The following PCDHGA4 variants were observed in gnomAD, a reference collection of about 807,000 sequenced individuals.
PCDHGA4 encodes protocadherin gamma subfamily A, 4.
In PCDHGA4, 38 loss-of-function variants were observed where a neutral mutation model predicts 54.6. That is an observed-to-expected ratio of 0.70 (90% CI 0.54 to 0.91). The LOEUF (loss-of-function observed/expected upper bound fraction) is 0.91. Ranked by LOEUF, PCDHGA4 falls within the 40% of genes least tolerant of loss-of-function variation. The pLI is 0.00. For missense variants in PCDHGA4, 1,298 were observed against 1,220.9 expected (o/e 1.06, Z -0.94); for synonymous variants, 511 against 512.9 (o/e 1.00, Z 0.05).
intron 1 of PCDHGA4, chr5:141,371,313 C>T (rs760463851): frequency 6.2e-7 from 1 of 1,613,964 alleles, no homozygotes. Context: ...TATTGGAGAA[C>T]TGGACTTTGA....
chr5:141,399,443 G>A, intron 1 of PCDHGA4: 1 of 1,614,018 alleles, frequency 6.2e-7, no homozygotes, highest in Non-Finnish European at 8.5e-7. Flanking sequence ...CTACATATCA[G>A]AGACGTCAAC....
intron 1 of PCDHGA4, among the ~76,000 whole-genome samples, chr5:141,492,641 G>A (rs2099742804): frequency 6.6e-6 from 1 of 152,226 alleles, no homozygotes; most frequent in African/African-American, 2.4e-5. Flanking sequence ...ACGATCCTTG[G>A]GCCAGAGGTC....
chr5:141,420,337 A>G, intron 1 of PCDHGA4: 8 of 1,402,708 alleles, frequency 5.7e-6, no homozygotes, highest in Non-Finnish European at 7.6e-6. Flanking sequence ...ATTCCAATAT[A>G]GTGGTATTAT....
intron 1 of PCDHGA4, chr5:141,375,062 C>T (rs377179051): frequency 5.6e-6 from 9 of 1,613,878 alleles, no homozygotes; most frequent in Non-Finnish European, 7.6e-6. Context: ...TGGGCCAGGT[C>T]TTCGAGACAG....
At chr5:141,496,892 A>AG (rs1372616572) in intron 2 of PCDHGA4, among the ~76,000 whole-genome samples, 1 of 151,766 alleles carries the variant, frequency 6.6e-6, no homozygotes, top group Non-Finnish European at 1.5e-5. Flanking sequence ...AACACTTAAA[A>AG]AAAAAAAAAA....
chr5:141,390,215 A>G, intron 1 of PCDHGA4: 1 of 1,614,038 alleles, frequency 6.2e-7, no homozygotes. Flanking sequence ...GACAAGACAT[A>G]CTTTGCGGTG....
chr5:141,384,249 C>T (rs886257445), intron 1 of PCDHGA4: 20 of 1,613,790 alleles, frequency 1.2e-5, no homozygotes, highest in Admixed American at 1.7e-5. Flanking sequence ...ATAACCCACC[C>T]ACCTTCCCCC....
Position 141,431,428 on chromosome 5 carries a change from A to G in PCDHGA4, c.2515-63379A>G. The stretch of plus-strand genomic sequence containing the variant: ...CCGACGGGGGCGACCCGGTGCGCAC[A>G]GGCACCGCGCGCATCCGCGTGATGG... On this transcript the variant is annotated intron_variant, in intron 1 of 3. Transcript: ENST00000571252. This position sits in a 1 kb window ranked among gnomAD's most constrained non-coding sequence, Gnocchi z 4.8. The G allele has an allele frequency of 6.2e-7, 1 of 1,613,664 alleles. No individual in the cohort carries two copies. Among genetic ancestry groups the G allele is most frequent in the Non-Finnish European group, 8.5e-7 (1 of 1,179,998 alleles).
At chr5:141,374,266 G>T in intron 1 of PCDHGA4, 1 of 1,614,016 alleles carries the variant, frequency 6.2e-7, no homozygotes, top group Non-Finnish European at 8.5e-7. Context: ...AGTTGGCGGA[G>T]CACGGAGTCC....
chr5:141,424,408 T>G (rs942542788), intron 1 of PCDHGA4: 1 of 152,224 alleles, frequency 6.6e-6, no homozygotes, highest in Non-Finnish European at 1.5e-5. Flanking sequence ...TATGGTGAAG[T>G]TACATTGACT....
intron 1 of PCDHGA4, chr5:141,392,605 CA>C (rs2092562177): frequency 1.9e-6 from 1 of 514,610 alleles, no homozygotes; most frequent in Admixed American, 3.7e-5. Context: ...TACTGGAAGA[CA>C]AATGCAACCG....
At position 141,405,211 on chromosome 5, in the gene PCDHGA4, T is replaced by G. The variant is rs756004707; in HGVS notation, c.2514+47590T>G. On this transcript the variant is annotated intron_variant, in intron 1 of 3. Coordinates refer to ENST00000571252, the MANE Select transcript of PCDHGA4 (RefSeq NM_018917.4). ...GGGTTCGAGCTTTCCTACAGACCTA[T>G]TCTCAGGAGTTCTCCCTCACCGCTG... The G allele has an allele frequency of 7.4e-6, 12 of 1,613,432 alleles. No homozygotes were observed. In the South Asian group the frequency reaches 1.2e-4, roughly 16 times the overall value.
At chr5:141,399,762 C>T (rs1415096807) in intron 1 of PCDHGA4, 4 of 1,613,352 alleles carry the variant, frequency 2.5e-6, no homozygotes, top group Non-Finnish European at 2.5e-6. Flanking sequence ...TGAGCCTGCG[C>T]GTGTTGGTGG....
chr5:141,415,893 A>G, intron 1 of PCDHGA4: 2 of 904,826 alleles, frequency 2.2e-6, no homozygotes, highest in Non-Finnish European at 3.0e-6. Flanking sequence ...GACAATTCCT[A>G]AGACAGACTT....
rs184835272 is a variant in PCDHGA4, at chr5:141,470,234, C to A, written c.2515-24573C>A. ...AACCATTCAGCTTCTTCACCAAACC[C>A]TTGAATGTCCCACCTGTCTAAATGG... On this transcript the variant is annotated intron_variant, in intron 1 of 3. Transcript: ENST00000571252. Among the ~76,000 whole-genome samples, 6 of 152,288 alleles carry A rather than the reference C, an allele frequency of 3.9e-5. No individual in the cohort carries two copies. The East Asian group carries it at 9.6e-4, about 24-fold the overall frequency.
intron 1 of PCDHGA4, chr5:141,373,900 C>G (rs1392088085): frequency 1.8e-6 from 1 of 550,068 alleles, no homozygotes; most frequent in Non-Finnish European, 3.0e-6. Context: ...CAAGTTACAT[C>G]CTCCAACAAC....
At chr5:141,373,705 A>G (rs1023574849) in intron 1 of PCDHGA4, among the ~76,000 whole-genome samples, 2 of 152,224 alleles carry the variant, frequency 1.3e-5, no homozygotes, top group African/African-American at 4.8e-5. Flanking sequence ...AAATTATTCA[A>G]AATAATCTCT....
intron 1 of PCDHGA4, among the ~76,000 whole-genome samples, chr5:141,380,195 C>T (rs1248752838): frequency 6.6e-5 from 10 of 152,092 alleles, no homozygotes; most frequent in African/African-American, 2.4e-4. Flanking sequence ...CCACTGAGCC[C>T]GGCCTGAAAG....
chr5:141,404,875 C>T, intron 1 of PCDHGA4: 1 of 1,613,904 alleles, frequency 6.2e-7, no homozygotes, highest in Non-Finnish European at 8.5e-7. Flanking sequence ...TCAAACAGAG[C>T]CTTGTGGTGG....
Sources: allele counts gnomAD v4.1 joint callset (sites outside exome capture counted in the v4.1 genomes callset), GRCh38; gene constraint gnomAD v4.1.1; non-coding constraint Gnocchi (gnomAD v3.1); transcripts MANE v1.5; gene names NCBI Gene and HGNC (gene_info 2026-07-23, HGNC 2026-07-21).